Variants in OXSR1 observed in about 807,000 individuals in gnomAD.
OXSR1 encodes oxidative stress responsive kinase 1, also known as serine/threonine-protein kinase OSR1.
In OXSR1, 24 loss-of-function variants were observed where a neutral mutation model predicts 79.8. The observed-to-expected ratio is 0.30, with a 90% CI of 0.22 to 0.42. The LOEUF (loss-of-function observed/expected upper bound fraction) is 0.42, where lower values mean the gene tolerates loss of function less well. Among genes scored for constraint, OXSR1 ranks in the 10% least tolerant of loss-of-function variants. The probability of loss-of-function intolerance (pLI) is 1.00; values close to 1 mark genes in which losing one functional copy is unlikely to be tolerated. For missense variants in OXSR1, 430 were observed against 618.4 expected (o/e 0.70, Z 3.23); for synonymous variants, 226 against 209.2 (o/e 1.08, Z -0.69).
Position 38,221,559 on chromosome 3 carries a change from C to T in OXSR1, c.491-19C>T, listed in dbSNP as rs370087299. 6.7e-5 allele frequency: 91 copies of T among 1,351,826 alleles called. No individual in the cohort carries two copies. The African/African-American group carries it at 1.3e-3, about 19-fold the overall frequency. 83.7% of individuals were successfully genotyped at this position (1,351,826 alleles called of 1,614,324 possible). On this transcript the variant is annotated intron_variant, in intron 5 of 17. Coordinates refer to ENST00000311806, the MANE Select transcript of OXSR1 (RefSeq NM_005109.3). ...TAGTTGATGCACTTTAAATACCTTG[C>T]TGTTGTATTCTATTTCAGACTTTGG...
rs1314739210 is a variant in OXSR1, at chr3:38,249,040, G to A, written c.1323-926G>A. ...CAGAAGTATAAGTTTGTATGTACCT[G>A]TGTAGAAAGAACGCAATGCAAGGGA... is the stretch of plus-strand genomic sequence containing the variant. On this transcript the variant is annotated intron_variant, in intron 14 of 17. Transcript: ENST00000311806. Among the ~76,000 whole-genome samples the A allele has an allele frequency of 1.3e-4, 20 of 152,144 alleles. 1 individual carries two copies. Among genetic ancestry groups the A allele is most frequent in the Admixed American group, 1.3e-3 (20 of 15,262 alleles).
intron 4 of OXSR1, among the ~76,000 whole-genome samples, chr3:38,200,072 T>A (rs544895792): frequency 6.6e-6 from 1 of 152,254 alleles, no homozygotes; most frequent in South Asian, 2.1e-4. Flanking sequence ...GTGTGGGTGA[T>A]GTGGGCCTAC....
rs576631203 is a variant in OXSR1, at chr3:38,215,549, G to T, written c.435-547G>T. Among the ~76,000 whole-genome samples, 14 of 152,324 alleles carry T rather than the reference G, an allele frequency of 9.2e-5. No homozygotes were observed. In the South Asian group the frequency reaches 2.9e-3, roughly 32 times the overall value. ...TAGTCTGTTAACCAGACTGATAATA[G>T]TTGAAAACTTTGGAGAGAGTACTTA... On this transcript the variant is annotated intron_variant, in intron 4 of 17. Transcript: ENST00000311806.
chr3:38,165,994 G>A, intron 1 of OXSR1, 48 bp downstream of exon 1: 1 of 1,544,012 alleles, frequency 6.5e-7, no homozygotes, highest in African/African-American at 1.4e-5. Flanking sequence ...TGGGAGGCGG[G>A]GGACACGGGA....
At chr3:38,191,369 ATC>A (rs1357157080) in intron 3 of OXSR1, among the ~76,000 whole-genome samples, 2 of 151,866 alleles carry the variant, frequency 1.3e-5, no homozygotes, top group South Asian at 2.1e-4. Flanking sequence ...CCTGGTCTAA[ATC>A]TCTCTTAATT....
chr3:38,188,728 A>T (rs1201637526), intron 2 of OXSR1, among the ~76,000 whole-genome samples: 1 of 152,240 alleles, frequency 6.6e-6, no homozygotes, highest in African/African-American at 2.4e-5. Flanking sequence ...TTAAACAATC[A>T]ACAATCTTAA....
intron 1 of OXSR1, among the ~76,000 whole-genome samples, chr3:38,181,730 T>A (rs1404736817): frequency 6.6e-6 from 1 of 152,164 alleles, no homozygotes; most frequent in Non-Finnish European, 1.5e-5. Context: ...AATTCCAACA[T>A]CTGATTTATC....
chr3:38,201,148 C>T (rs1006910116), intron 4 of OXSR1, among the ~76,000 whole-genome samples: 1 of 152,026 alleles, frequency 6.6e-6, no homozygotes, highest in African/African-American at 2.4e-5. Flanking sequence ...TCAAGCATTC[C>T]TCCCACCTCA....
At chr3:38,180,674 G>T (rs1701767779) in intron 1 of OXSR1, among the ~76,000 whole-genome samples, 1 of 151,664 alleles carries the variant, frequency 6.6e-6, no homozygotes, top group Non-Finnish European at 1.5e-5. Context: ...AGGACTATAA[G>T]TGCACACCAC....
At chr3:38,211,587 A>G (rs939388757) in intron 4 of OXSR1, among the ~76,000 whole-genome samples, 1 of 152,168 alleles carries the variant, frequency 6.6e-6, no homozygotes, top group Non-Finnish European at 1.5e-5. Flanking sequence ...TGGTAAGCAT[A>G]TCTTTCATTG....
intron 17 of OXSR1, among the ~76,000 whole-genome samples, 192 bp from the exon 18 acceptor site, chr3:38,252,625 T>C (rs1465321804): frequency 6.6e-6 from 1 of 152,150 alleles, no homozygotes; most frequent in Non-Finnish European, 1.5e-5. Context: ...AGAGAAACTA[T>C]TAGCCAGTCT....
chr3:38,186,563 A>C (rs985542111), intron 2 of OXSR1, among the ~76,000 whole-genome samples: 1 of 152,190 alleles, frequency 6.6e-6, no homozygotes, highest in African/African-American at 2.4e-5. Flanking sequence ...GGTTCATACA[A>C]TATGTGGCCT....
At chr3:38,188,867 T>C (rs1701933277) in intron 2 of OXSR1, among the ~76,000 whole-genome samples, 1 of 152,192 alleles carries the variant, frequency 6.6e-6, no homozygotes, top group African/African-American at 2.4e-5. Flanking sequence ...CCTGTCAAGC[T>C]GTTTATTATT....
chr3:38,166,362 C>T (rs1403094869), intron 1 of OXSR1, among the ~76,000 whole-genome samples: 2 of 152,116 alleles, frequency 1.3e-5, no homozygotes, highest in Non-Finnish European at 2.9e-5. Context: ...TAAGTTTTTC[C>T]TCCATCCGTG....
At chr3:38,223,122 T>C (rs1702621029) in intron 6 of OXSR1, among the ~76,000 whole-genome samples, 1 of 152,148 alleles carries the variant, frequency 6.6e-6, no homozygotes, top group African/African-American at 2.4e-5. Flanking sequence ...TTGGTACACA[T>C]TAGAGGTAGC....
intron 4 of OXSR1, 28 bp from the exon 5 acceptor site, chr3:38,216,068 A>T (rs760469522): frequency 2.2e-6 from 3 of 1,393,890 alleles, no homozygotes; most frequent in South Asian, 2.5e-5. Flanking sequence ...ATGTTTTTTG[A>T]TACATAACTT....
At chr3:38,215,594 A>G (rs2125831798) in intron 4 of OXSR1, among the ~76,000 whole-genome samples, 1 of 152,292 alleles carries the variant, frequency 6.6e-6, no homozygotes, top group East Asian at 1.9e-4. Context: ...ATGATGGTCA[A>G]AGGGATTTTG....
At chr3:38,183,175 G>A (rs1701818645) in intron 2 of OXSR1, 60 bp downstream of exon 2, 3 of 752,724 alleles carry the variant, frequency 4.0e-6, no homozygotes, top group East Asian at 3.1e-5. Flanking sequence ...CATTACAATG[G>A]GAAATAACTT....
chr3:38,252,479 T>C, intron 17 of OXSR1, 87 bp downstream of exon 17: 1 of 900,338 alleles, frequency 1.1e-6, no homozygotes, highest in Non-Finnish European at 1.9e-6. Flanking sequence ...CCCTGAGTGA[T>C]GAGAATATTA....
Sources: allele counts gnomAD v4.1 joint callset (sites outside exome capture counted in the v4.1 genomes callset), GRCh38; gene constraint gnomAD v4.1.1; transcripts MANE v1.5; gene names NCBI Gene and HGNC (gene_info 2026-07-23, HGNC 2026-07-21).